RBMS3: variants seen among roughly 807,000 people sequenced by gnomAD.
RBMS3 encodes RNA binding motif single stranded interacting protein 3.
RBMS3 carries 27 observed loss-of-function variants against 66.8 expected under a neutral mutation model. The observed-to-expected ratio is 0.40, with a 90% CI of 0.30 to 0.56. The LOEUF (loss-of-function observed/expected upper bound fraction) is 0.56. RBMS3 is among the 20% of genes least tolerant of loss of function. The pLI is 0.40. For synonymous variants in RBMS3, 188 were observed against 183.0 expected (o/e 1.03, Z -0.22); for missense variants, 513 against 549.5 (o/e 0.93, Z 0.66).
chr3:29,419,885 G>T (rs2040631168), intron 1 of RBMS3, among the ~76,000 whole-genome samples: 1 of 152,140 alleles, frequency 6.6e-6, no homozygotes, highest in Non-Finnish European at 1.5e-5. Context: ...CTACCAACAT[G>T]ATTTTAAGAA....
intron 4 of RBMS3, among the ~76,000 whole-genome samples, chr3:29,721,896 G>A (rs553264778): frequency 1.3e-5 from 2 of 152,238 alleles, no homozygotes; most frequent in African/African-American, 4.8e-5. Context: ...ACACACCTAA[G>A]CAGAAATATT....
At chr3:29,553,610 G>A (rs923449149) in intron 3 of RBMS3, among the ~76,000 whole-genome samples, 2 of 152,046 alleles carry the variant, frequency 1.3e-5, no homozygotes, top group African/African-American at 2.4e-5. Flanking sequence ...TCACCAAAAC[G>A]ATCAAGAGCT....
intron 4 of RBMS3, among the ~76,000 whole-genome samples, chr3:29,700,874 G>C (rs976413040): frequency 1.4e-5 from 2 of 142,442 alleles, no homozygotes; most frequent in Admixed American, 7.1e-5. Context: ...GTGTGTGTTC[G>C]TGTGCATGTG....
intron 1 of RBMS3, among the ~76,000 whole-genome samples, chr3:29,353,960 G>A (rs1204743345): frequency 6.6e-6 from 1 of 152,054 alleles, no homozygotes; most frequent in African/African-American, 2.4e-5. Context: ...CACATTGGCT[G>A]ACACGAATTA....
intron 6 of RBMS3, among the ~76,000 whole-genome samples, chr3:29,790,774 T>A (rs2056983867): frequency 6.6e-6 from 1 of 152,208 alleles, no homozygotes; most frequent in South Asian, 2.1e-4. Flanking sequence ...ATTTTGAAGT[T>A]TAAAATGCTG....
chr3:29,992,040 A>G (rs1332505153), intron 14 of RBMS3, among the ~76,000 whole-genome samples: 1 of 152,204 alleles, frequency 6.6e-6, no homozygotes, highest in Non-Finnish European at 1.5e-5. Flanking sequence ...ATTGAAACCA[A>G]AAGAATTTAG....
chr3:29,990,460 C>CAAAAAAAAAAAAAAAAAAAAAA (rs10596526), intron 13 of RBMS3, among the ~76,000 whole-genome samples: 2 of 106,514 alleles, frequency 1.9e-5, no homozygotes, highest in African/African-American at 3.6e-5. Context: ...CTGTGAGAAA[C>CAAAAAAAAAAAAAAAAAAAAAA]AAAAAAAAAA....
At chr3:29,374,979 C>A (rs1010712504) in intron 1 of RBMS3, among the ~76,000 whole-genome samples, 17 of 152,116 alleles carry the variant, frequency 1.1e-4, no homozygotes, top group African/African-American at 3.9e-4. Flanking sequence ...GCTACAGTAA[C>A]CAAAACAGCA....
chr3:29,991,244 G>T lies in RBMS3; in HGVS notation c.1307+35G>T, dbSNP rs775822102. 1.1e-5 allele frequency: 18 copies of T among 1,613,340 alleles called. No individual in the cohort carries two copies. In the South Asian group the frequency reaches 2.0e-4, roughly 18 times the overall value. On this transcript the variant is annotated intron_variant, in intron 14 of 14. Transcript: ENST00000383767. ...GGCTGTGCTAAGCTCTTTTCCTCAA[G>T]ATCAGCCATCTTGACATCACTCTCT...
At chr3:29,470,157 A>T (rs980031491) in intron 2 of RBMS3, among the ~76,000 whole-genome samples, 1 of 151,612 alleles carries the variant, frequency 6.6e-6, no homozygotes, top group Non-Finnish European at 1.5e-5. Flanking sequence ...AAATTTAAAG[A>T]TATCCATGAC....
At chr3:29,687,334 G>A (rs771111239) in intron 4 of RBMS3, among the ~76,000 whole-genome samples, 1 of 152,136 alleles carries the variant, frequency 6.6e-6, no homozygotes, top group Admixed American at 6.5e-5. Flanking sequence ...CCATGTGTTC[G>A]TCTTGAAATA....
At chr3:29,754,082 C>T (rs955834300) in intron 5 of RBMS3, among the ~76,000 whole-genome samples, 5 of 151,912 alleles carry the variant, frequency 3.3e-5, no homozygotes, top group Admixed American at 1.3e-4. Context: ...CTCAGCCTCC[C>T]GAGTAGCTGA....
At chr3:29,925,132 G>A (rs903113069) in intron 10 of RBMS3, 7 of 152,200 alleles carry the variant, frequency 4.6e-5, no homozygotes, top group Non-Finnish European at 8.8e-5. Flanking sequence ...ACCAAGGCAA[G>A]AAAGACTTTT....
intron 4 of RBMS3, among the ~76,000 whole-genome samples, chr3:29,651,707 G>A (rs1390396047): frequency 6.6e-6 from 1 of 151,934 alleles, no homozygotes; most frequent in Non-Finnish European, 1.5e-5. Flanking sequence ...TCCATCAGTA[G>A]TACTTCAGTG....
intron 10 of RBMS3, among the ~76,000 whole-genome samples, chr3:29,934,312 A>G (rs1250177749): frequency 3.3e-5 from 5 of 151,922 alleles, no homozygotes; most frequent in Admixed American, 2.0e-4. Context: ...TTTGGTTGAA[A>G]AAAAAAAATG....
intron 10 of RBMS3, among the ~76,000 whole-genome samples, chr3:29,918,450 T>C (rs2060691687): frequency 6.6e-6 from 1 of 152,144 alleles, no homozygotes; most frequent in African/African-American, 2.4e-5. Flanking sequence ...CTTTGTGTCC[T>C]AAGGTTAGTT....
At chr3:29,471,398 G>A (rs1391641100) in intron 2 of RBMS3, among the ~76,000 whole-genome samples, 2 of 152,180 alleles carry the variant, frequency 1.3e-5, no homozygotes, top group African/African-American at 4.8e-5. Context: ...CCTGTGGCAT[G>A]TGAAAAGTAC....
intron 3 of RBMS3, among the ~76,000 whole-genome samples, chr3:29,560,034 T>A (rs751884035): frequency 1.3e-5 from 2 of 152,174 alleles, no homozygotes; most frequent in Non-Finnish European, 2.9e-5. Context: ...AATATTTAAA[T>A]CACTTGTCAT....
At chr3:29,541,914 T>G (rs1240737599) in intron 3 of RBMS3, among the ~76,000 whole-genome samples, 4 of 152,104 alleles carry the variant, frequency 2.6e-5, no homozygotes, top group African/African-American at 9.7e-5. Flanking sequence ...TTCTAGGTGG[T>G]TCCTCAAAGG....
Sources: gnomAD v4.1 joint callset for allele counts (sites outside exome capture counted in the v4.1 genomes callset) on GRCh38, gnomAD v4.1.1 for gene constraint, MANE v1.5 for transcripts, NCBI Gene and HGNC (gene_info 2026-07-23, HGNC 2026-07-21) for gene names.